Variants in MYOM2 observed in about 807,000 individuals in gnomAD.
MYOM2 encodes myomesin-2.
MYOM2 carries 254 observed loss-of-function variants against 187.6 expected under a neutral mutation model. That is an observed-to-expected ratio of 1.35 (90% CI 1.22 to 1.50). The LOEUF (loss-of-function observed/expected upper bound fraction) is 1.50. Ranked by LOEUF, MYOM2 falls within the 40% of genes most tolerant of loss-of-function variation. The probability of loss-of-function intolerance (pLI) is 0.00; values close to 1 mark genes in which losing one functional copy is unlikely to be tolerated. For synonymous variants in MYOM2, 981 were observed against 753.8 expected (o/e 1.30, Z -4.94); for missense variants, 2,796 against 1,924.0 (o/e 1.45, Z -8.48).
At chr8:2,105,641 G>A (rs1169464448) in intron 21 of MYOM2, among the ~76,000 whole-genome samples, 1 of 152,120 alleles carries the variant, frequency 6.6e-6, no homozygotes, top group African/African-American at 2.4e-5. Flanking sequence ...GCAGTTGTAT[G>A]AGATGCAGGG....
chr8:2,092,356 T>A lies in MYOM2; in HGVS notation c.1839T>A (p.Ser613=). The change falls in exon 16 of 37, where the codon TCT becomes TCA. Residue 613 remains serine, a synonymous_variant. Coordinates refer to ENST00000262113, the MANE Select transcript of MYOM2 (RefSeq NM_003970.4). The part of the protein sequence containing the change: ...IQAQDVTVVP[S]APGRVLASRN... The stretch of plus-strand genomic sequence containing the variant: ...GTCTCCTACGAAAAGTTGTCCCTTC[T>A]GCTCCGGGTCGGGTTCTTGCTTCCC... The A allele has an allele frequency of 1.2e-6, 2 of 1,614,084 alleles. No homozygotes were observed. Among genetic ancestry groups the A allele is most frequent in the Non-Finnish European group, 1.7e-6 (2 of 1,179,980 alleles).
intron 36 of MYOM2, among the ~76,000 whole-genome samples, chr8:2,144,231 C>G (rs1193820403): frequency 1.3e-5 from 2 of 151,210 alleles, no homozygotes; most frequent in South Asian, 4.2e-4. Context: ...CATTTTTTTG[C>G]CTCCAATTTA....
chr8:2,138,627 G>A (rs971317004), intron 32 of MYOM2, among the ~76,000 whole-genome samples: 3 of 152,224 alleles, frequency 2.0e-5, no homozygotes, highest in Non-Finnish European at 4.4e-5. Flanking sequence ...ACACTGCCCT[G>A]CCTTCTAAGG....
chr8:2,084,438 C>T lies in MYOM2; in HGVS notation c.1517-825C>T, dbSNP rs141448031. Among the ~76,000 whole-genome samples, 27 of 152,260 alleles carry T rather than the reference C, an allele frequency of 1.8e-4. No individual in the cohort carries two copies. In the East Asian group the frequency reaches 3.3e-3, roughly 18 times the overall value. On this transcript the variant is annotated intron_variant, in intron 13 of 36. Transcript: ENST00000262113. ...TTTTGAGAATGGCTCAGAGATGTCCCGGGGAGGTTTCAGACCGTTTTAATC... is the reference window on the plus strand; with the variant it reads ...TTTTGAGAATGGCTCAGAGATGTCCTGGGGAGGTTTCAGACCGTTTTAATC...
rs148242506 is a variant in MYOM2 at position 2,069,456 on chromosome 8, G to C, written c.752G>C (p.Gly251Ala). 4.3e-6 allele frequency: 7 copies of C among 1,614,216 alleles called. No homozygotes were observed. In the South Asian group the frequency reaches 5.5e-5, roughly 13 times the overall value. Residue 251 changes from glycine to alanine, a missense_variant, in exon 8 of 37, where the codon GGA (glycine) becomes GCA (alanine). Gly to Ala is a moderately conservative substitution (Grantham distance 60, BLOSUM62 0). Coordinates refer to ENST00000262113, the MANE Select transcript of MYOM2 (RefSeq NM_003970.4). ...NAAVVVRRFR[G>A]DEEPFRSVGL... is the part of the protein sequence containing the mutation. ...CTTTGCTGTCTTGCAGGGTTCCGGG[G>C]AGACGAGGAACCATTCCGTTCGGTG...
At chr8:2,094,254 T>G (rs1381834446) in intron 17 of MYOM2, among the ~76,000 whole-genome samples, 163 bp downstream of exon 17, 1 of 152,224 alleles carries the variant, frequency 6.6e-6, no homozygotes, top group Non-Finnish European at 1.5e-5. Context: ...GGTTGGCTGC[T>G]TGTCTTGGAA....
chr8:2,071,488 C>T (rs537047140), intron 8 of MYOM2, among the ~76,000 whole-genome samples: 21 of 152,118 alleles, frequency 1.4e-4, no homozygotes, highest in Middle Eastern at 3.2e-3. Context: ...CTAAACTCTA[C>T]GGATGCAAAT....
intron 30 of MYOM2, 148 bp from the exon 31 acceptor site, chr8:2,124,029 TAA>T (rs1797548676): frequency 1.3e-6 from 1 of 776,148 alleles, no homozygotes; most frequent in African/African-American, 1.8e-5. Flanking sequence ...ATCGCACACA[TAA>T]GTCTTTTATG....
intron 32 of MYOM2, among the ~76,000 whole-genome samples, chr8:2,139,968 G>C (rs568674457): frequency 1.3e-5 from 2 of 152,100 alleles, no homozygotes; most frequent in Non-Finnish European, 2.9e-5. Flanking sequence ...GTACTGTTCA[G>C]TGGTGTTAAG....
chr8:2,075,171 C>T (rs565440652), intron 10 of MYOM2, among the ~76,000 whole-genome samples: 15 of 152,200 alleles, frequency 9.9e-5, no homozygotes, highest in South Asian at 2.1e-4. Flanking sequence ...ACTTCCCACA[C>T]GATAGCCTGA....
chr8:2,060,114 A>G (rs986519280), intron 6 of MYOM2, among the ~76,000 whole-genome samples: 13 of 152,100 alleles, frequency 8.5e-5, no homozygotes, highest in Non-Finnish European at 2.9e-5. Context: ...CACGGTTTTT[A>G]CTTTTCACAA....
At chr8:2,137,414 A>C (rs565703197) in intron 32 of MYOM2, among the ~76,000 whole-genome samples, 1 of 152,100 alleles carries the variant, frequency 6.6e-6, no homozygotes, top group East Asian at 2.0e-4. Context: ...CAAATCCCCA[A>C]GCAGTATCCA....
intron 1 of MYOM2, 57 bp from the exon 2 acceptor site, chr8:2,050,698 C>T: frequency 9.9e-7 from 1 of 1,009,018 alleles, no homozygotes. Flanking sequence ...GCAGAAATGG[C>T]AGAGGCCTCA....
intron 8 of MYOM2, among the ~76,000 whole-genome samples, chr8:2,070,146 T>A (rs1314460790): frequency 6.6e-6 from 1 of 152,204 alleles, no homozygotes; most frequent in Non-Finnish European, 1.5e-5. Flanking sequence ...TGAGGGCATC[T>A]GGAGGACGGG....
chr8:2,118,027 G>T, intron 28 of MYOM2, 75 bp downstream of exon 28: 1 of 1,308,190 alleles, frequency 7.6e-7, no homozygotes, highest in Non-Finnish European at 1.1e-6. Flanking sequence ...TCAGGGAGTA[G>T]CTGTGGCCAG....
chr8:2,050,832 T>C lies in MYOM2; in HGVS notation c.66T>C (p.Asn22=). 1 of 1,613,300 alleles carries C rather than the reference T, an allele frequency of 6.2e-7. No individual in the cohort carries two copies. The highest frequency in any genetic ancestry group is 8.5e-7 in the Non-Finnish European group (1 of 1,179,246). ...RHRHFDQSYR[N]IQTRYLLDEY... The stretch of plus-strand genomic sequence containing the variant: ...GGCACTTCGACCAGTCCTACCGTAA[T>C]ATTCAAACACGGTACCTGCTGGACG... The change falls in exon 2 of 37, where the codon AAT becomes AAC. Residue 22 remains asparagine (N), a synonymous_variant. Transcript: ENST00000262113.
intron 25 of MYOM2, among the ~76,000 whole-genome samples, chr8:2,111,428 G>A (rs151315376): frequency 6.6e-4 from 100 of 152,332 alleles, no homozygotes; most frequent in African/African-American, 2.3e-3. Flanking sequence ...CTATATTGCT[G>A]AGAATCTACT....
chr8:2,140,274 T>G (rs971322952), intron 32 of MYOM2, among the ~76,000 whole-genome samples: 2 of 152,040 alleles, frequency 1.3e-5, no homozygotes, highest in African/African-American at 4.8e-5. Flanking sequence ...ACTGATCCAT[T>G]CATCACCAAT....
rs889739453 is a variant in MYOM2 at position 2,111,854 on chromosome 8, C to T, written c.3180+2323C>T. 1.3e-5 allele frequency among the ~76,000 whole-genome samples: 2 copies of T among 152,230 alleles called. 1 individual carries two copies. Among genetic ancestry groups the T allele is most frequent in the Non-Finnish European group, 2.9e-5 (2 of 68,026 alleles). ...TGTACCAATTTCCTGTGCCAGTTTT[C>T]TGTTTAGAAAAAGTCTCAGTGATCT... On this transcript the variant is annotated intron_variant, in intron 25 of 36. Coordinates refer to ENST00000262113, the MANE Select transcript of MYOM2 (RefSeq NM_003970.4).
Sources: allele counts gnomAD v4.1 joint callset (sites outside exome capture counted in the v4.1 genomes callset), GRCh38; gene constraint gnomAD v4.1.1; transcripts MANE v1.5; gene names NCBI Gene and HGNC (gene_info 2026-07-23, HGNC 2026-07-21).